GSE1: variants seen among roughly 807,000 people sequenced by gnomAD.
GSE1 encodes the protein Gse1 coiled-coil protein, also known as genetic suppressor element 1.
GSE1 carries 32 observed loss-of-function variants against 112.6 expected under a neutral mutation model. That is an observed-to-expected ratio of 0.28 (90% CI 0.21 to 0.38). The LOEUF (loss-of-function observed/expected upper bound fraction) is 0.38, where lower values mean the gene tolerates loss of function less well. GSE1 is among the 10% of genes least tolerant of loss of function. GSE1 has a pLI of 1.00. For synonymous variants in GSE1, 1,115 were observed against 735.6 expected (o/e 1.52, Z -8.35); for missense variants, 2,348 against 1,699.2 (o/e 1.38, Z -6.71).
intron 1 of GSE1, among the ~76,000 whole-genome samples, chr16:85,337,945 G>A (rs1379692419): frequency 6.6e-6 from 1 of 152,270 alleles, no homozygotes; most frequent in East Asian, 1.9e-4. Flanking sequence ...AGACTATGGA[G>A]CAGGTGACCT....
chr16:85,220,960 C>A (rs2075380990), intron 1 of GSE1, among the ~76,000 whole-genome samples: 1 of 123,736 alleles, frequency 8.1e-6, no homozygotes, highest in Non-Finnish European at 1.7e-5. Flanking sequence ...CCTCCAGTGG[C>A]CCCTCTCCCC....
chr16:85,620,938 G>T (rs1317151510), intron 1 of GSE1, among the ~76,000 whole-genome samples: 2 of 151,898 alleles, frequency 1.3e-5, no homozygotes, highest in African/African-American at 4.8e-5. Context: ...GATGGTCTCG[G>T]CCATGGGTGT....
chr16:85,522,977 G>T (rs559164437), intron 2 of GSE1, among the ~76,000 whole-genome samples: 5 of 152,230 alleles, frequency 3.3e-5, no homozygotes, highest in African/African-American at 1.2e-4. Context: ...TTGTGTGTAT[G>T]ATTGTGCATT....
At chr16:85,310,960 C>T (rs1482395341) in intron 1 of GSE1, among the ~76,000 whole-genome samples, 2 of 152,222 alleles carry the variant, frequency 1.3e-5, no homozygotes, top group Admixed American at 1.3e-4. Flanking sequence ...GGCCCCCCGC[C>T]GCTCCGCATC....
chr16:85,419,895 G>A lies in GSE1; in HGVS notation c.2464+62252G>A, dbSNP rs542240244. ...CACTGCTCTGGGAGGGTCAGAGTCGGGGGGACTGGGCTGGAACAGAACTGA... is the reference window on the plus strand; with the variant it reads ...CACTGCTCTGGGAGGGTCAGAGTCGAGGGGACTGGGCTGGAACAGAACTGA... On this transcript the variant is annotated intron_variant, in intron 2 of 2. Coordinates refer to the GSE1 transcript ENST00000637419. This position sits in a 1 kb window ranked among gnomAD's most constrained non-coding sequence, Gnocchi z 6.5. Among the ~76,000 whole-genome samples, 3 of 152,294 alleles carry A rather than the reference G, an allele frequency of 2.0e-5. No individual in the cohort carries two copies. The highest frequency in any genetic ancestry group is 4.2e-4 in the South Asian group (2 of 4,812).
chr16:85,312,925 G>T (rs1415210308), intron 1 of GSE1, among the ~76,000 whole-genome samples: 2 of 152,180 alleles, frequency 1.3e-5, no homozygotes, highest in Non-Finnish European at 2.9e-5. Flanking sequence ...CTGGGCAGGT[G>T]TGACGGAAGT....
chr16:85,314,492 C>G (rs1239401077), intron 1 of GSE1, among the ~76,000 whole-genome samples: 1 of 152,032 alleles, frequency 6.6e-6, no homozygotes, highest in Non-Finnish European at 1.5e-5. Flanking sequence ...TTGGAGGTGG[C>G]CAGGCTGGTC....
chr16:85,287,326 C>T (rs1200880318), intron 1 of GSE1, among the ~76,000 whole-genome samples: 1 of 152,210 alleles, frequency 6.6e-6, no homozygotes, highest in Admixed American at 6.5e-5. Context: ...GACTTGCTGC[C>T]TGCCCATCCC....
rs568046127 is a variant in GSE1 at position 85,197,897 on chromosome 16, G to A, written c.2283+26090G>A. ...CGGGGCTGTTGGAGCAAAAATCAGC[G>A]TGGTTCTCGTGAGGTGTGTTTTCTT... On this transcript the variant is annotated intron_variant, in intron 1 of 2. Coordinates refer to the GSE1 transcript ENST00000637419. Among the ~76,000 whole-genome samples the A allele has an allele frequency of 1.2e-4, 18 of 152,344 alleles. No homozygotes were observed. In the South Asian group the frequency reaches 3.5e-3, roughly 30 times the overall value.
At chr16:85,633,536 C>G (rs983381822) in intron 1 of GSE1, among the ~76,000 whole-genome samples, 1 of 152,216 alleles carries the variant, frequency 6.6e-6, no homozygotes, top group Non-Finnish European at 1.5e-5. Context: ...GGCCGCACGC[C>G]TCCTCCGCCT....
At chr16:85,272,645 C>T (rs1049316621) in intron 1 of GSE1, among the ~76,000 whole-genome samples, 1 of 152,024 alleles carries the variant, frequency 6.6e-6, no homozygotes, top group Non-Finnish European at 1.5e-5. Flanking sequence ...TGACTGTGGA[C>T]AGCCCCTGGC....
At chr16:85,632,226 C>T (rs1235027222) in intron 1 of GSE1, among the ~76,000 whole-genome samples, 3 of 152,340 alleles carry the variant, frequency 2.0e-5, no homozygotes, top group African/African-American at 7.2e-5. Flanking sequence ...ACGGCCACGG[C>T]GCCACCTGGC....
chr16:85,261,212 G>C (rs1324008968), intron 1 of GSE1, among the ~76,000 whole-genome samples: 1 of 152,234 alleles, frequency 6.6e-6, no homozygotes, highest in South Asian at 2.1e-4. Flanking sequence ...CCAAACACAT[G>C]CTCAAGACTA....
rs9930184 is a variant in GSE1 at position 85,242,527 on chromosome 16, T to C, written c.2283+70720T>C. 3.2e-3 allele frequency among the ~76,000 whole-genome samples: 493 copies of C among 152,316 alleles called. 6 individuals carry two copies. The highest frequency in any genetic ancestry group is 0.011 in the African/African-American group (473 of 41,562). Reference sequence around the variant, plus strand: ...TTCTTCTAAACTCATAGCAGCACAGTGTGGACAGCGTTGTCACCAGCGCTT... The same window carrying C: ...TTCTTCTAAACTCATAGCAGCACAGCGTGGACAGCGTTGTCACCAGCGCTT... On this transcript the variant is annotated intron_variant, in intron 1 of 2. Coordinates refer to the GSE1 transcript ENST00000637419.
At chr16:85,256,880 A>C (rs1341618430) in intron 1 of GSE1, among the ~76,000 whole-genome samples, 1 of 152,276 alleles carries the variant, frequency 6.6e-6, no homozygotes, top group African/African-American at 2.4e-5. Flanking sequence ...TCAGTTCCTC[A>C]GCTGCACTCA....
At chr16:85,624,582 A>G (rs1280310332) in intron 1 of GSE1, among the ~76,000 whole-genome samples, 1 of 152,200 alleles carries the variant, frequency 6.6e-6, no homozygotes, top group Non-Finnish European at 1.5e-5. Context: ...ATCTCTTCGC[A>G]CATTAAAGGG....
intron 1 of GSE1, among the ~76,000 whole-genome samples, chr16:85,191,483 G>A (rs562846201): frequency 1.3e-5 from 2 of 152,304 alleles, no homozygotes; most frequent in East Asian, 3.9e-4. Context: ...CATGCTTGCT[G>A]TAGGAATTTT....
intron 2 of GSE1, among the ~76,000 whole-genome samples, chr16:85,478,925 TTCTC>T (rs879424955): frequency 0.08 from 3,736 of 46,712 alleles, 470 homozygotes; most frequent in African/African-American, 0.098. Context: ...CTTTCTTTCT[TTCTC>T]TTTCTTTCTT....
At chr16:85,322,181 C>T (rs1238151619) in intron 1 of GSE1, among the ~76,000 whole-genome samples, 2 of 152,128 alleles carry the variant, frequency 1.3e-5, no homozygotes, top group African/African-American at 2.4e-5. Context: ...GCCTTGCCAG[C>T]GGCTAGCTCA....
Sources: gnomAD v4.1 joint callset for allele counts (sites outside exome capture counted in the v4.1 genomes callset) on GRCh38, gnomAD v4.1.1 for gene constraint, Gnocchi (gnomAD v3.1) non-coding constraint, MANE v1.5 for transcripts, NCBI Gene and HGNC (gene_info 2026-07-23, HGNC 2026-07-21) for gene names.